The following DDC variants were observed in gnomAD, a reference collection of about 807,000 sequenced individuals.
DDC encodes the protein dopa decarboxylase.
DDC carries 43 observed loss-of-function variants against 60.0 expected under a neutral mutation model. The observed-to-expected ratio is 0.72, with a 90% CI of 0.56 to 0.92. The LOEUF (loss-of-function observed/expected upper bound fraction) is 0.92, where lower values mean the gene tolerates loss of function less well. Ranked by LOEUF, DDC falls within the 40% of genes least tolerant of loss-of-function variation. The probability of loss-of-function intolerance (pLI) is 0.00; values close to 1 mark genes in which losing one functional copy is unlikely to be tolerated. For missense variants in DDC, 573 were observed against 620.2 expected (o/e 0.92, Z 0.81); for synonymous variants, 232 against 234.6 (o/e 0.99, Z 0.10).
chr7:50,547,173 G>A (rs949476745), intron 1 of DDC, among the ~76,000 whole-genome samples: 2 of 151,686 alleles, frequency 1.3e-5, no homozygotes, highest in African/African-American at 4.8e-5. Context: ...TAATTTCTAA[G>A]TACATTTCTC....
At chr7:50,491,411 C>T (rs766732618) in intron 9 of DDC, among the ~76,000 whole-genome samples, 7 of 152,098 alleles carry the variant, frequency 4.6e-5, no homozygotes, top group East Asian at 1.9e-4. Context: ...TTCCTAACCA[C>T]GTGGGACCTG....
At chr7:50,522,109 T>G (rs147928618) in intron 6 of DDC, among the ~76,000 whole-genome samples, 1,845 of 151,560 alleles carry the variant, frequency 0.012, 139 homozygotes, top group Admixed American at 0.11. Context: ...TAATATTAGA[T>G]AAAAGTTAAT....
rs572574706 is a variant in DDC at position 50,528,147 on chromosome 7, A to G, written c.704T>C (p.Ile235Thr). The G allele has an allele frequency of 6.2e-7, 1 of 1,613,008 alleles. No individual in the cohort carries two copies. The highest frequency in any genetic ancestry group is 2.2e-5 in the East Asian group (1 of 44,870). ...TGCTGCCGAACTTACAAAGAAAGGA[A>G]TCAGGCCAGCCGCTTTGTCTCTCTC... ...ALERDKAAGL[I>T]PFFMVATLGT... is the part of the protein sequence containing the mutation. Residue 235 changes from isoleucine to threonine, a missense_variant, in exon 6 of 15, where the codon ATT (isoleucine) becomes ACT (threonine). By Grantham distance (89) the Ile-to-Thr change is moderately conservative. Coordinates refer to ENST00000444124, the MANE Select transcript of DDC (RefSeq NM_001082971.2).
intron 6 of DDC, among the ~76,000 whole-genome samples, chr7:50,510,658 G>A (rs1231694835): frequency 1.7e-5 from 2 of 116,066 alleles, no homozygotes; most frequent in African/African-American, 6.9e-5. Context: ...GACAGAGTGA[G>A]ACTCCATCTC....
At chr7:50,461,841 C>G (rs1346653643) in intron 14 of DDC, among the ~76,000 whole-genome samples, 1 of 152,112 alleles carries the variant, frequency 6.6e-6, no homozygotes, top group Non-Finnish European at 1.5e-5. Flanking sequence ...TTCCTCAGAC[C>G]CCAGGTCTTT....
intron 11 of DDC, among the ~76,000 whole-genome samples, chr7:50,475,282 T>C (rs919173077): frequency 1.3e-5 from 2 of 152,222 alleles, no homozygotes; most frequent in Admixed American, 6.5e-5. Flanking sequence ...TGTCATATTT[T>C]CCCTTCAATA....
Position 50,521,286 on chromosome 7 carries a change from T to C in DDC, c.714+6851A>G, listed in dbSNP as rs116473651. Among the ~76,000 whole-genome samples the C allele has an allele frequency of 5.1e-3, 771 of 152,258 alleles. 9 individuals are homozygous for C. The highest frequency in any genetic ancestry group is 0.018 in the African/African-American group (745 of 41,578). Reference sequence around the variant, plus strand: ...GATAACCTCAATGGTGCTACATCTATTTTAAAATTAGATCAATAATTAAAA... The same window carrying C: ...GATAACCTCAATGGTGCTACATCTACTTTAAAATTAGATCAATAATTAAAA... On this transcript the variant is annotated intron_variant, in intron 6 of 14. Coordinates refer to ENST00000444124, the MANE Select transcript of DDC (RefSeq NM_001082971.2).
intron 9 of DDC, among the ~76,000 whole-genome samples, chr7:50,480,805 C>T (rs1395214401): frequency 6.6e-6 from 1 of 152,156 alleles, no homozygotes; most frequent in Non-Finnish European, 1.5e-5. Context: ...ATCCCAAGGG[C>T]TAATGAGTGA....
chr7:50,458,910 C>CTCCCTCCCCCTCTCCCTT (rs2042182057), intron 14 of DDC, 67 bp from the exon 15 acceptor site: 1 of 150,172 alleles, frequency 6.7e-6, no homozygotes, highest in African/African-American at 2.5e-5. Flanking sequence ...CCCTCTCCCT[C>CTCCCTCCCCCTCTCCCTT]TCCCTCTCCC....
At chr7:50,533,643 A>G (rs1193254136) in intron 4 of DDC, among the ~76,000 whole-genome samples, 1 of 152,260 alleles carries the variant, frequency 6.6e-6, no homozygotes, top group Admixed American at 6.5e-5. Context: ...TTCCTAAAAT[A>G]TAGAAGATAA....
At position 50,467,451 on chromosome 7, in the gene DDC, CGTTCACTGACCAGCT is replaced by C; in HGVS notation, c.1141-151_1141-137del. The C allele has an allele frequency of 7.0e-6, 5 of 718,558 alleles. No individual in the cohort carries two copies. In the South Asian group the frequency reaches 7.4e-5, roughly 11 times the overall value. 44.5% of individuals were successfully genotyped at this position (718,558 alleles called of 1,614,324 possible). ...GGCAATTTTCCTCAAGTGCTTTTAC[CGTTCACTGACCAGCT>C]GTTTCCAGGCAGGCTAAGAAACTCA... On this transcript the variant is annotated intron_variant, in intron 12 of 14. Coordinates refer to ENST00000444124, the MANE Select transcript of DDC (RefSeq NM_001082971.2).
chr7:50,537,140 A>C (rs1002099511), intron 4 of DDC, among the ~76,000 whole-genome samples: 2 of 150,104 alleles, frequency 1.3e-5, no homozygotes, highest in African/African-American at 4.9e-5. Context: ...TCTTTTGTCT[A>C]TCTTGTTCCC....
At chr7:50,537,380 C>T (rs907883780) in intron 4 of DDC, among the ~76,000 whole-genome samples, 1 of 152,242 alleles carries the variant, frequency 6.6e-6, no homozygotes, top group African/African-American at 2.4e-5. Flanking sequence ...ATGGGGCAAG[C>T]TACCTAATGT....
At chr7:50,561,408 T>C (rs904688360) in intron 1 of DDC, among the ~76,000 whole-genome samples, 2 of 152,120 alleles carry the variant, frequency 1.3e-5, no homozygotes, top group Non-Finnish European at 2.9e-5. Context: ...AGGGACGGCG[T>C]GGCATTTGGG....
Position 50,529,254 on chromosome 7 carries a change from G to A in DDC, c.524C>T (p.Thr175Ile). The A allele has an allele frequency of 7.4e-6, 12 of 1,613,954 alleles. No homozygotes were observed. Among genetic ancestry groups the A allele is most frequent in the Non-Finnish European group, 9.3e-6 (11 of 1,180,052 alleles). The change falls in exon 5 of 15, where the codon ACA becomes ATA. Residue 175 changes from threonine to isoleucine, a missense_variant. By Grantham distance (89) the Thr-to-Ile change is moderately conservative. Coordinates refer to ENST00000444124, the MANE Select transcript of DDC (RefSeq NM_001082971.2). ...CAGCTTCTCCATGATAGCGGCCTGT[G>A]TGAGCTCTGGGGACGCTGCCTGCAG... is the stretch of plus-strand genomic sequence containing the variant. ...HRLQAASPEL[T>I]QAAIMEKLVA... is the part of the protein sequence containing the mutation.
At position 50,505,882 on chromosome 7, in the gene DDC, G is replaced by A. The variant is rs189982044; in HGVS notation, c.715-1823C>T. 7.9e-4 allele frequency among the ~76,000 whole-genome samples: 120 copies of A among 152,368 alleles called. 3 individuals carry two copies. The highest frequency in any genetic ancestry group is 3.0e-3 in the Admixed American group (46 of 15,310). ...AGGAGGGGCAGTCTGTTTAAATGTA[G>A]GCTTTCTTCTTGTTCAGGATGGTGA... On this transcript the variant is annotated intron_variant, in intron 6 of 14. Coordinates refer to ENST00000444124, the MANE Select transcript of DDC (RefSeq NM_001082971.2).
chr7:50,482,333 T>G (rs2042787960), intron 9 of DDC, among the ~76,000 whole-genome samples: 1 of 152,254 alleles, frequency 6.6e-6, no homozygotes, highest in South Asian at 2.1e-4. Context: ...TAAGCATATC[T>G]GTTTCCTCCT....
chr7:50,560,304 G>T (rs114173408), intron 1 of DDC, among the ~76,000 whole-genome samples: 84 of 152,298 alleles, frequency 5.5e-4, no homozygotes, highest in African/African-American at 1.9e-3. Flanking sequence ...CTTGTGGGAA[G>T]AACCCATGTC....
intron 9 of DDC, among the ~76,000 whole-genome samples, chr7:50,491,367 G>T (rs892176059): frequency 6.6e-6 from 1 of 151,704 alleles, no homozygotes; most frequent in Admixed American, 6.6e-5. Context: ...TCCTTCATGG[G>T]TCATGAGACT....
Sources: gnomAD v4.1 joint callset for allele counts (sites outside exome capture counted in the v4.1 genomes callset) on GRCh38, gnomAD v4.1.1 for gene constraint, MANE v1.5 for transcripts, NCBI Gene and HGNC (gene_info 2026-07-23, HGNC 2026-07-21) for gene names.